MARK1: variants seen among roughly 807,000 people sequenced by gnomAD.
MARK1 encodes the protein microtubule affinity regulating kinase 1.
A neutral mutation model predicts 96.3 loss-of-function variants in MARK1; 40 were observed. The ratio of observed to expected loss-of-function variants is 0.42; its 90% CI spans 0.32 to 0.54. The LOEUF is 0.54. MARK1 is among the 20% of genes least tolerant of loss of function. MARK1 has a pLI of 0.16. For synonymous variants in MARK1, 317 were observed against 341.2 expected (o/e 0.93, Z 0.78); for missense variants, 719 against 984.6 (o/e 0.73, Z 3.61).
At position 220,651,291 on chromosome 1, in the gene MARK1, G is replaced by A. The variant is rs185272408; in HGVS notation, c.1571+571G>A. ...ACAAAGACATGGAGCCTATTCTAAT[G>A]AAATTATTTTCTTAGTACCACCTTC... is the stretch of plus-strand genomic sequence containing the variant. On this transcript the variant is annotated intron_variant, in intron 14 of 17. Transcript: ENST00000366917. 2.9e-3 allele frequency among the ~76,000 whole-genome samples: 439 copies of A among 152,256 alleles called. 3 individuals carry two copies. Among genetic ancestry groups the A allele is most frequent in the Middle Eastern group, 0.02 (6 of 294 alleles).
intron 1 of MARK1, among the ~76,000 whole-genome samples, chr1:220,530,502 G>A (rs1056138022): frequency 6.8e-4 from 103 of 152,156 alleles, no homozygotes; most frequent in Non-Finnish European, 8.8e-5. Flanking sequence ...ATTACTGTAT[G>A]TGTTAACCCA....
At chr1:220,537,863 C>CT (rs1269123977) in intron 1 of MARK1, among the ~76,000 whole-genome samples, 3 of 151,752 alleles carry the variant, frequency 2.0e-5, no homozygotes, top group Admixed American at 6.6e-5. Flanking sequence ...TTTCATGTGT[C>CT]TTTTGGCTGC....
intron 9 of MARK1, among the ~76,000 whole-genome samples, chr1:220,619,698 A>G (rs968478218): frequency 1.3e-5 from 2 of 152,182 alleles, no homozygotes; most frequent in African/African-American, 4.8e-5. Flanking sequence ...CAAAATGTCT[A>G]CTATTTTTTT....
chr1:220,626,542 G>A, intron 9 of MARK1: 2 of 486,200 alleles, frequency 4.1e-6, no homozygotes, highest in South Asian at 3.1e-5. Flanking sequence ...AGCACATGCT[G>A]GCCTGTCGTG....
At chr1:220,651,595 T>A (rs1668880130) in intron 14 of MARK1, among the ~76,000 whole-genome samples, 1 of 152,184 alleles carries the variant, frequency 6.6e-6, no homozygotes, top group African/African-American at 2.4e-5. Context: ...TCAATTCTGA[T>A]TGTATGAATA....
intron 1 of MARK1, among the ~76,000 whole-genome samples, chr1:220,547,856 G>A (rs1482428947): frequency 3.3e-5 from 5 of 152,210 alleles, no homozygotes; most frequent in Non-Finnish European, 7.3e-5. Flanking sequence ...GCGAGCCACC[G>A]CGCACAACCT....
intron 1 of MARK1, among the ~76,000 whole-genome samples, chr1:220,546,752 C>G (rs1253824947): frequency 6.6e-6 from 1 of 152,144 alleles, no homozygotes; most frequent in Non-Finnish European, 1.5e-5. Flanking sequence ...GCAGGTGGAT[C>G]GCCTGAGTTC....
chr1:220,620,377 A>G (rs1003334856), intron 9 of MARK1, among the ~76,000 whole-genome samples: 1 of 152,152 alleles, frequency 6.6e-6, no homozygotes, highest in African/African-American at 2.4e-5. Context: ...AAAATAATGA[A>G]CTTTAGAGAA....
At chr1:220,558,401 G>C (rs958001328) in intron 1 of MARK1, among the ~76,000 whole-genome samples, 4 of 151,098 alleles carry the variant, frequency 2.6e-5, no homozygotes, top group Non-Finnish European at 4.4e-5. Flanking sequence ...AAGATAATCA[G>C]AAAATAAATA....
rs1202241876 is a variant in MARK1 at position 220,593,330 on chromosome 1, C to T, written c.310-5001C>T. Among the ~76,000 whole-genome samples, 3 of 151,896 alleles carry T rather than the reference C, an allele frequency of 2.0e-5. No individual in the cohort carries two copies. In the East Asian group the frequency reaches 5.8e-4, roughly 29 times the overall value. The stretch of plus-strand genomic sequence containing the variant: ...AAATGACTTCTAAATGTTTAAATGG[C>T]TGATTTTACTACTCAGTGCTCATAA... On this transcript the variant is annotated intron_variant, in intron 3 of 17. Transcript: ENST00000366917.
At chr1:220,640,786 A>G (rs1223452849) in intron 13 of MARK1, among the ~76,000 whole-genome samples, 1 of 152,176 alleles carries the variant, frequency 6.6e-6, no homozygotes, top group Admixed American at 6.5e-5. Flanking sequence ...TATGCTTTTT[A>G]TAACAAAGCC....
rs1667889385 is a variant in MARK1, at chr1:220,635,312, T to A, written c.1123-64T>A. On this transcript the variant is annotated intron_variant, in intron 11 of 17. Transcript: ENST00000366917. ...GTCATTTAGAAAATCAAGAGTGCAG[T>A]GTTTGTGCAAACTTTTTTTTTTTTT... The A allele has an allele frequency of 4.2e-6, 6 of 1,437,856 alleles. No homozygotes were observed. In the African/African-American group the frequency reaches 7.2e-5, roughly 17 times the overall value. The allele number at this position is 1,437,856 out of a possible 1,614,324, so 89.1% of individuals were successfully genotyped here. A position where few individuals can be genotyped will look rare whatever the true frequency, so the allele number is the denominator to read the frequency against.
rs56188826 is a variant in MARK1, at chr1:220,618,528, C to T, written c.771C>T (p.Phe257=). ...LYTLVSGSLP[F]DGQNLKELRE... ...CATTAGTCAGTGGCTCCTTGCCTTT[C>T]GATGGCCAGAATTTAAAGGTATCAG... is the stretch of plus-strand genomic sequence containing the variant. Residue 257 remains phenylalanine, a synonymous_variant, in exon 8 of 18, where the codon TTC becomes TTT. Transcript: ENST00000366917. The surrounding 1 kb of genome is among the most constrained non-coding windows in gnomAD (Gnocchi z 4.6). 2.5e-3 allele frequency: 4,111 copies of T among 1,613,992 alleles called. 9 individuals are homozygous for T. The highest frequency in any genetic ancestry group is 3.2e-3 in the Non-Finnish European group (3,782 of 1,179,936).
intron 9 of MARK1, among the ~76,000 whole-genome samples, chr1:220,629,685 G>A (rs1391242334): frequency 1.3e-5 from 2 of 152,052 alleles, no homozygotes; most frequent in Admixed American, 6.6e-5. Flanking sequence ...TAGATAATCT[G>A]TATAAGTAGA....
At chr1:220,566,001 GT>G (rs1663027863) in intron 1 of MARK1, among the ~76,000 whole-genome samples, 1 of 152,158 alleles carries the variant, frequency 6.6e-6, no homozygotes, top group African/African-American at 2.4e-5. Context: ...ATGGATTTAG[GT>G]TTTGCCTCTG....
chr1:220,575,585 AT>A, intron 1 of MARK1, among the ~76,000 whole-genome samples: 1 of 152,310 alleles, frequency 6.6e-6, no homozygotes, highest in South Asian at 2.1e-4. Flanking sequence ...GAAAGATGTA[AT>A]TTTTGAAAAT....
chr1:220,600,302 A>G (rs1665654723), intron 5 of MARK1, among the ~76,000 whole-genome samples: 2 of 152,182 alleles, frequency 1.3e-5, no homozygotes. Context: ...ATATACATAC[A>G]TTTCCAAGAT....
In MARK1 at chr1:220,596,755, A is replaced by C. The variant is rs1665388263; in HGVS notation, c.310-1576A>C. ...TTTAACCATTTTAAGTATACAATTCAGTGGCATTAAGGTGCATTTACATTG... is the reference window on the plus strand; with the variant it reads ...TTTAACCATTTTAAGTATACAATTCCGTGGCATTAAGGTGCATTTACATTG... On this transcript the variant is annotated intron_variant, in intron 3 of 17. Transcript: ENST00000366917. Among the ~76,000 whole-genome samples, 2 of 152,170 alleles carry C rather than the reference A, an allele frequency of 1.3e-5. 1 individual carries two copies. The highest frequency in any genetic ancestry group is 4.1e-4 in the South Asian group (2 of 4,824).
intron 13 of MARK1, among the ~76,000 whole-genome samples, chr1:220,639,420 A>G (rs1000317677): frequency 9.2e-5 from 14 of 152,202 alleles, no homozygotes; most frequent in African/African-American, 3.4e-4. Flanking sequence ...CGGAACATCA[A>G]GATCTTTTTA....
Sources: gnomAD v4.1 joint callset for allele counts (sites outside exome capture counted in the v4.1 genomes callset) on GRCh38, gnomAD v4.1.1 for gene constraint, Gnocchi (gnomAD v3.1) non-coding constraint, MANE v1.5 for transcripts, NCBI Gene and HGNC (gene_info 2026-07-23, HGNC 2026-07-21) for gene names.